GRIK4: variants seen among roughly 807,000 people sequenced by gnomAD.
GRIK4 encodes the protein glutamate receptor ionotropic, kainate 4.
In GRIK4, 40 loss-of-function variants were observed where a neutral mutation model predicts 104.9. The observed-to-expected ratio is 0.38, with a 90% CI of 0.30 to 0.50. The LOEUF (loss-of-function observed/expected upper bound fraction) is 0.50, where lower values mean the gene tolerates loss of function less well. GRIK4 is among the 20% of genes least tolerant of loss of function. The pLI, the probability that GRIK4 is intolerant of heterozygous loss-of-function variation, is 0.93. For missense variants in GRIK4, 1,047 were observed against 1,308.1 expected, an observed-to-expected ratio of 0.80 and a Z score of 3.08; for synonymous variants, 485 against 524.9, an observed-to-expected ratio of 0.92 and a Z score of 1.04.
intron 14 of GRIK4, among the ~76,000 whole-genome samples, chr11:120,942,569 C>G (rs1943751446): frequency 6.6e-6 from 1 of 152,120 alleles, no homozygotes; most frequent in Admixed American, 6.5e-5. Flanking sequence ...TTTTTGCCAC[C>G]AGGAAACACC....
At chr11:120,842,117 TG>T (rs1419805031) in intron 8 of GRIK4, among the ~76,000 whole-genome samples, 5 of 152,214 alleles carry the variant, frequency 3.3e-5, no homozygotes, top group Admixed American at 2.0e-4. Context: ...ACACTGTACC[TG>T]GTAGGTAATG....
chr11:120,528,991 T>G (rs1947894465), intron 1 of GRIK4, among the ~76,000 whole-genome samples: 1 of 152,170 alleles, frequency 6.6e-6, no homozygotes, highest in South Asian at 2.1e-4. Context: ...GCTCCCTGCC[T>G]CAGGACCTTT....
chr11:120,966,551 T>C (rs1174663556), intron 18 of GRIK4, among the ~76,000 whole-genome samples: 1 of 152,180 alleles, frequency 6.6e-6, no homozygotes, highest in Non-Finnish European at 1.5e-5. Flanking sequence ...CTTGTATTTT[T>C]AGTAGAGATG....
At chr11:120,736,480 G>A (rs1410394204) in intron 3 of GRIK4, among the ~76,000 whole-genome samples, 1 of 152,086 alleles carries the variant, frequency 6.6e-6, no homozygotes, top group Non-Finnish European at 1.5e-5. Context: ...GCCCAGCACA[G>A]CATCAGAACT....
rs567554749 is a variant in GRIK4 at position 120,691,216 on chromosome 11, G to T, written c.82+30816G>T. The stretch of plus-strand genomic sequence containing the variant: ...CCTACCCTAAACTTCGCCTTTTCTG[G>T]GAATGGTCTTATTCTCACTGTGGCC... On this transcript the variant is annotated intron_variant, in intron 3 of 20. Coordinates refer to ENST00000527524, the MANE Select transcript of GRIK4 (RefSeq NM_014619.5). 7.4e-4 allele frequency among the ~76,000 whole-genome samples: 113 copies of T among 152,238 alleles called. 2 individuals carry two copies. The highest frequency in any genetic ancestry group is 2.5e-3 in the Admixed American group (38 of 15,286).
At chr11:120,941,310 G>C (rs1943718262) in intron 14 of GRIK4, among the ~76,000 whole-genome samples, 1 of 152,158 alleles carries the variant, frequency 6.6e-6, no homozygotes, top group Admixed American at 6.5e-5. Flanking sequence ...AACAGAGCCT[G>C]TACCTCGAGG....
intron 1 of GRIK4, among the ~76,000 whole-genome samples, chr11:120,616,532 A>G (rs1949116789): frequency 6.6e-6 from 1 of 152,178 alleles, no homozygotes; most frequent in Admixed American, 6.5e-5. Context: ...TTCAGCCAGG[A>G]TGGATGGAAT....
chr11:120,676,250 T>C (rs1950097550), intron 3 of GRIK4, among the ~76,000 whole-genome samples: 1 of 152,146 alleles, frequency 6.6e-6, no homozygotes, highest in African/African-American at 2.4e-5. Flanking sequence ...TTCTCCAATC[T>C]TAAGGACTCA....
At chr11:120,629,579 A>G (rs536165586) in intron 1 of GRIK4, among the ~76,000 whole-genome samples, 90 of 152,076 alleles carry the variant, frequency 5.9e-4, no homozygotes, top group Non-Finnish European at 1.1e-3. Flanking sequence ...GCACCTGGCT[A>G]TGTGCTCAGG....
At chr11:120,646,405 T>TG (rs1252855736) in intron 1 of GRIK4, among the ~76,000 whole-genome samples, 1 of 152,214 alleles carries the variant, frequency 6.6e-6, no homozygotes, top group Non-Finnish European at 1.5e-5. Context: ...TTAAAACAGA[T>TG]GCAGAGCTTG....
intron 3 of GRIK4, among the ~76,000 whole-genome samples, chr11:120,687,033 A>G (rs1950286740): frequency 6.6e-6 from 1 of 152,242 alleles, no homozygotes. Flanking sequence ...GATGGAGCAG[A>G]AGCACTGTTT....
intron 3 of GRIK4, among the ~76,000 whole-genome samples, chr11:120,777,455 C>G (rs1348688774): frequency 6.6e-6 from 1 of 152,248 alleles, no homozygotes; most frequent in Non-Finnish European, 1.5e-5. Flanking sequence ...CTCCAGCCGC[C>G]ATTCATGTCT....
chr11:120,916,652 A>C (rs920061101), intron 13 of GRIK4, among the ~76,000 whole-genome samples: 1 of 152,194 alleles, frequency 6.6e-6, no homozygotes, highest in African/African-American at 2.4e-5. Flanking sequence ...ACCTATCCTC[A>C]TGAAGGGTCG....
At position 120,797,697 on chromosome 11, in the gene GRIK4, C is replaced by T. The variant is rs114507545; in HGVS notation, c.83-4996C>T. Among the ~76,000 whole-genome samples the T allele has an allele frequency of 5.7e-3, 870 of 152,194 alleles. 8 individuals carry two copies. Among genetic ancestry groups the T allele is most frequent in the African/African-American group, 0.019 (807 of 41,514 alleles). Reference sequence around the variant, plus strand: ...AATTAAAAGTGGTCCCTGAATCGCACGGGGGTTGGGAGGTAGAGAGGACAG... The same window carrying T: ...AATTAAAAGTGGTCCCTGAATCGCATGGGGGTTGGGAGGTAGAGAGGACAG... On this transcript the variant is annotated intron_variant, in intron 3 of 20. Coordinates refer to ENST00000527524, the MANE Select transcript of GRIK4 (RefSeq NM_014619.5).
intron 8 of GRIK4, among the ~76,000 whole-genome samples, chr11:120,855,220 C>T (rs1161567105): frequency 6.6e-6 from 1 of 152,184 alleles, no homozygotes; most frequent in African/African-American, 2.4e-5. Flanking sequence ...AAGCTGCATT[C>T]GACTGCCTGT....
chr11:120,576,013 T>C (rs937886190), intron 1 of GRIK4: 4 of 151,574 alleles, frequency 2.6e-5, no homozygotes, highest in Non-Finnish European at 5.9e-5. Context: ...AGCTGGAAGA[T>C]GCAGCCCCTT....
intron 19 of GRIK4, among the ~76,000 whole-genome samples, chr11:120,977,795 T>A (rs1179707865): frequency 2.6e-5 from 4 of 152,210 alleles, no homozygotes; most frequent in Non-Finnish European, 5.9e-5. Context: ...CTTTCCCTGA[T>A]CTAATAAAAA....
At chr11:120,537,075 G>A (rs1947985284) in intron 1 of GRIK4, among the ~76,000 whole-genome samples, 1 of 152,218 alleles carries the variant, frequency 6.6e-6, no homozygotes, top group Non-Finnish European at 1.5e-5. Context: ...GAGCTGGCAA[G>A]AGGGCAAGGG....
rs373036699 is a variant in GRIK4 at position 120,959,822 on chromosome 11, C to G, written c.1875-1087C>G. The stretch of plus-strand genomic sequence containing the variant: ...TCAAAAGTGCTTTTCGCCAGGTAGT[C>G]TTTATTAAAGATGTTCTGTTGTTAC... On this transcript the variant is annotated intron_variant, in intron 16 of 20. Transcript: ENST00000527524. Among the ~76,000 whole-genome samples, 174 of 152,312 alleles carry G rather than the reference C, an allele frequency of 1.1e-3. 1 individual carries two copies. The highest frequency in any genetic ancestry group is 4.0e-3 in the African/African-American group (165 of 41,574).
Sources: allele counts gnomAD v4.1 joint callset (sites outside exome capture counted in the v4.1 genomes callset), GRCh38; gene constraint gnomAD v4.1.1; transcripts MANE v1.5; gene names NCBI Gene and HGNC (gene_info 2026-07-23, HGNC 2026-07-21).